Variants in TREX2 observed in about 807,000 individuals in gnomAD.
The protein encoded by TREX2 is 3'-5' exonuclease TREX2 long form.
For synonymous variants in TREX2, 121 were observed against 112.1 expected (o/e 1.08, Z -0.50); for missense variants, 242 against 235.3 (o/e 1.03, Z -0.19).
In TREX2 at chrX:153,444,908, G is replaced by C. The variant is rs2089139362; in HGVS notation, c.523C>G (p.Leu175Val). 1 of 1,201,960 alleles carries C rather than the reference G, an allele frequency of 8.3e-7. No homozygotes were observed. The highest frequency in any genetic ancestry group is 1.1e-6 in the Non-Finnish European group (1 of 891,159). ...TCTGCCCGGAAGTAGCGGTGGAAGA[G>C]GCTGCCGAGGCTGTAACCCTGGCGG... Reference protein sequence around the residue: ...RGRQGYSLGSLFHRYFRAEPS... With the variant: ...RGRQGYSLGSVFHRYFRAEPS... The change falls in exon 2 of 2, where the codon CTC (leucine) becomes GTC (valine). Residue 175 changes from leucine (L) to valine (V), a missense_variant. Physicochemically the swap from Leu to Val is conservative, Grantham distance 32. Transcript: ENST00000370231.
Position 153,445,425 on chromosome X carries a change from G to C in TREX2, c.6C>G (p.Ser2=). 2 of 1,126,753 alleles carry C rather than the reference G, an allele frequency of 1.8e-6. No homozygotes were observed. The highest frequency in any genetic ancestry group is 2.3e-6 in the Non-Finnish European group (2 of 853,070). 92.9% of individuals were successfully genotyped at this position (1,126,753 alleles called of 1,213,427 possible). A position where few individuals can be genotyped will look rare whatever the true frequency, so the allele number is the denominator to read the frequency against. The change falls in exon 2 of 2, where the codon TCC becomes TCG. Residue 2 remains serine, a synonymous_variant. Transcript: ENST00000370231. The part of the protein sequence containing the change: M[S]EAPRAETFVF... ...CAAAGGTCTCGGCCCGGGGTGCCTC[G>C]GACATGGTGATGTTCCCACGGGGAT...
rs79436981 is a variant in TREX2 at position 153,445,044 on chromosome X, G to A, written c.387C>T (p.Ala129=). 4.8e-5 allele frequency: 56 copies of A among 1,161,919 alleles called. No individual in the cohort carries two copies. In the African/African-American group the frequency reaches 6.7e-4, roughly 14 times the overall value. The stretch of plus-strand genomic sequence containing the variant: ...GGCGGGCACCCAGGCGCCGCAGCTC[G>A]GCACACAGCAGGGGGAAATCATAAT... ...GFDYDFPLLC[A]ELRRLGARLP... The change falls in exon 2 of 2, where the codon GCC becomes GCT. Residue 129 remains alanine (A), a synonymous_variant. Transcript: ENST00000370231.
In TREX2 at chrX:153,444,861, G is replaced by C. The variant is rs148182892; in HGVS notation, c.570C>G (p.Ala190=). The change falls in exon 2 of 2, where the codon GCC becomes GCG. Residue 190 remains alanine (A), a synonymous_variant. Coordinates refer to ENST00000370231, the MANE Select transcript of TREX2 (RefSeq NM_080701.4). ...FRAEPSAAHS[A]EGDVHTLLLI... Reference sequence around the variant, plus strand: ...GGAGCAGGGTGTGCACGTCGCCCTCGGCTGAGTGGGCTGCGCTTGGCTCTG... The same window carrying C: ...GGAGCAGGGTGTGCACGTCGCCCTCCGCTGAGTGGGCTGCGCTTGGCTCTG... 2.4e-5 allele frequency: 29 copies of C among 1,202,762 alleles called. No homozygotes were observed. Among genetic ancestry groups the C allele is most frequent in the Non-Finnish European group, 3.0e-5 (27 of 892,030 alleles).
Position 153,445,494 on chromosome X carries a change from G to A in TREX2, c.-64C>T, listed in dbSNP as rs782593667. ...CCGAGCGAGAGGCACAAACCCTGAG[G>A]ACTGGAGAGAGGGGTTCGCCCGGGC... is the stretch of plus-strand genomic sequence containing the variant. On this transcript the variant is annotated splice_region_variant and 5_prime_UTR_variant, in exon 2 of 2. Coordinates refer to ENST00000370231, the MANE Select transcript of TREX2 (RefSeq NM_080701.4). 962 of 1,034,192 alleles carry A rather than the reference G, an allele frequency of 9.3e-4. No homozygotes were observed. The highest frequency in any genetic ancestry group is 1.2e-3 in the Non-Finnish European group (933 of 773,135). The allele number at this position is 1,034,192 out of a possible 1,213,427, so 85.2% of individuals were successfully genotyped here.
In TREX2 at chrX:153,445,098, G is replaced by A. The variant is rs782228222; in HGVS notation, c.333C>T (p.Pro111=). ...AGCCATTGTGGGCCACAAGGCAGAT[G>A]GGCCCTGCCTGGCGGCTCAGGAAGG... ...LQAFLSRQAG[P]ICLVAHNGFD... is the part of the protein sequence containing the mutation. The change falls in exon 2 of 2, where the codon CCC becomes CCT. Residue 111 remains proline (P), a synonymous_variant. Transcript: ENST00000370231. 18 of 1,189,480 alleles carry A rather than the reference G, an allele frequency of 1.5e-5. No individual in the cohort carries two copies. The highest frequency in any genetic ancestry group is 1.8e-5 in the Non-Finnish European group (16 of 884,380).
In TREX2 at chrX:153,444,879, T is replaced by G. The variant is rs2089138264; in HGVS notation, c.552A>C (p.Pro184=). ...SLFHRYFRAE[P]SAAHSAEGDV... is the part of the protein sequence containing the mutation. Reference sequence around the variant, plus strand: ...CGCCCTCGGCTGAGTGGGCTGCGCTTGGCTCTGCCCGGAAGTAGCGGTGGA... The same window carrying G: ...CGCCCTCGGCTGAGTGGGCTGCGCTGGGCTCTGCCCGGAAGTAGCGGTGGA... The change falls in exon 2 of 2, where the codon CCA becomes CCC. Residue 184 remains proline (P), a synonymous_variant. Transcript: ENST00000370231. 8.3e-7 allele frequency: 1 copy of G among 1,204,360 alleles called. No individual in the cohort carries two copies. The highest frequency in any genetic ancestry group is 1.7e-5 in the African/African-American group (1 of 57,520).
rs782502238 is a variant in TREX2, at chrX:153,445,059, G to A, written c.372C>T (p.Phe124=). The A allele has an allele frequency of 2.6e-5, 30 of 1,169,152 alleles. No individual in the cohort carries two copies. The South Asian group carries it at 3.1e-4, about 12-fold the overall frequency. Reference sequence around the variant, plus strand: ...GCCGCAGCTCGGCACACAGCAGGGGGAAATCATAATCAAAGCCATTGTGGG... The same window carrying A: ...GCCGCAGCTCGGCACACAGCAGGGGAAAATCATAATCAAAGCCATTGTGGG... ...LVAHNGFDYD[F]PLLCAELRRL... is the part of the protein sequence containing the mutation. Residue 124 remains phenylalanine, a synonymous_variant, in exon 2 of 2, where the codon TTC becomes TTT. Coordinates refer to ENST00000370231, the MANE Select transcript of TREX2 (RefSeq NM_080701.4).
intron 1 of TREX2, 74 bp downstream of exon 1, chrX:153,445,935 C>T (rs2089157265): frequency 5.8e-6 from 1 of 171,771 alleles, no homozygotes; most frequent in Non-Finnish European, 1.1e-5. Context: ...GTGCTGGTCC[C>T]GAGCTGGCCT....
In TREX2 at chrX:153,445,722, A is replaced by C. The variant is rs2089154720; in HGVS notation, c.-65-227T>G. On this transcript the variant is annotated intron_variant, in intron 1 of 1. Coordinates refer to ENST00000370231, the MANE Select transcript of TREX2 (RefSeq NM_080701.4). ...GTCCCCAGCAGGGATTGGGAGAGGC[A>C]GAGGCAGCTCAGGGACCGCACCTTG... 12 of 483,858 alleles carry C rather than the reference A, an allele frequency of 2.5e-5. 1 individual carries two copies. The South Asian group carries it at 3.4e-4, about 14-fold the overall frequency. 39.9% of individuals were successfully genotyped at this position (483,858 alleles called of 1,213,427 possible).
chrX:153,445,421 C>A lies in TREX2; in HGVS notation c.10G>T (p.Ala4Ser). 8.9e-7 allele frequency: 1 copy of A among 1,129,559 alleles called. No individual in the cohort carries two copies. Among genetic ancestry groups the A allele is most frequent in the Non-Finnish European group, 1.2e-6 (1 of 854,608 alleles). 93.1% of individuals were successfully genotyped at this position (1,129,559 alleles called of 1,213,427 possible). A position where few individuals can be genotyped will look rare whatever the true frequency, so the allele number is the denominator to read the frequency against. ...AAGACAAAGGTCTCGGCCCGGGGTG[C>A]CTCGGACATGGTGATGTTCCCACGG... is the stretch of plus-strand genomic sequence containing the variant. The part of the protein sequence containing the change: MSE[A>S]PRAETFVFLD... Residue 4 changes from alanine (A) to serine (S), a missense_variant, in exon 2 of 2, where the codon GCA becomes TCA. Physicochemically the swap from Ala to Ser is moderately conservative, Grantham distance 99 (BLOSUM62 1). Coordinates refer to ENST00000370231, the MANE Select transcript of TREX2 (RefSeq NM_080701.4).
rs2089151893 is a variant in TREX2 at position 153,445,463 on chromosome X, A to G, written c.-33T>C. 4 of 1,097,152 alleles carry G rather than the reference A, an allele frequency of 3.6e-6. No individual in the cohort carries two copies. Among genetic ancestry groups the G allele is most frequent in the South Asian group, 2.3e-5 (1 of 44,385 alleles). 90.4% of individuals were successfully genotyped at this position (1,097,152 alleles called of 1,213,427 possible). A position where few individuals can be genotyped will look rare whatever the true frequency, so the allele number is the denominator to read the frequency against. On this transcript the variant is annotated 5_prime_UTR_variant, in exon 2 of 2. Transcript: ENST00000370231. ...TTCCCACGGGGATAGCAAGTCCTCA[A>G]ACTGTCCGAGCGAGAGGCACAAACC...
chrX:153,445,368 G>C lies in TREX2; in HGVS notation c.63C>G (p.Pro21=). 1 of 1,185,654 alleles carries C rather than the reference G, an allele frequency of 8.4e-7. No individual in the cohort carries two copies. Among genetic ancestry groups the C allele is most frequent in the Non-Finnish European group, 1.1e-6 (1 of 882,202 alleles). ...VFLDLEATGL[P]SVEPEIAELS... ...GCTCGGCAATCTCGGGCTCCACACTGGGGAGCCCAGTGGCTTCCAGGTCCA... is the reference window on the plus strand; with the variant it reads ...GCTCGGCAATCTCGGGCTCCACACTCGGGAGCCCAGTGGCTTCCAGGTCCA... Residue 21 remains proline, a synonymous_variant, in exon 2 of 2, where the codon CCC becomes CCG. Coordinates refer to ENST00000370231, the MANE Select transcript of TREX2 (RefSeq NM_080701.4).
At position 153,445,181 on chromosome X, in the gene TREX2, CCT is replaced by C. The variant is rs2089145903; in HGVS notation, c.248_249del (p.Glu83GlyfsTer11). On this transcript the variant is annotated frameshift_variant, in exon 2 of 2. Transcript: ENST00000370231. LOFTEE classifies it low-confidence loss of function (END_TRUNC). The part of the protein sequence containing the change: ...KASEITGLSS[E>X]GLARCRKAGF... ...CCAGCCTTCCGGCATCGCGCCAGGC[CCT>C]CACTGCTCAGGCCGGTGATCTCGCT... 4 of 1,210,057 alleles carry C rather than the reference CCT, an allele frequency of 3.3e-6. No homozygotes were observed. The African/African-American group carries it at 6.9e-5, about 21-fold the overall frequency.
Position 153,445,108 on chromosome X carries a change from T to C in TREX2, c.323A>G (p.Gln108Arg). The part of the protein sequence containing the change: ...VRTLQAFLSR[Q>R]AGPICLVAHN... ...GGCCACAAGGCAGATGGGCCCTGCC[T>C]GGCGGCTCAGGAAGGCCTGCAGCGT... Residue 108 changes from glutamine to arginine, a missense_variant, in exon 2 of 2, where the codon CAG (glutamine) becomes CGG (arginine). Physicochemically the swap from Gln to Arg is conservative, Grantham distance 43 (BLOSUM62 1). Coordinates refer to ENST00000370231, the MANE Select transcript of TREX2 (RefSeq NM_080701.4). The C allele has an allele frequency of 8.4e-7, 1 of 1,193,689 alleles. No individual in the cohort carries two copies. The highest frequency in any genetic ancestry group is 1.1e-6 in the Non-Finnish European group (1 of 886,610).
intron 1 of TREX2, 77 bp from the exon 2 acceptor site, chrX:153,445,572 A>G (rs966874038): frequency 2.8e-5 from 17 of 608,471 alleles, no homozygotes; most frequent in Non-Finnish European, 4.5e-5. Flanking sequence ...TCTGGGGCTC[A>G]CTTCCTGCCA....
intron 1 of TREX2, 114 bp from the exon 2 acceptor site, chrX:153,445,609 T>C (rs1366264017): frequency 1.9e-6 from 1 of 536,415 alleles, no homozygotes; most frequent in African/African-American, 2.3e-5. Context: ...CTGTGACCTT[T>C]GGCTCTGGGA....
Position 153,445,366 on chromosome X carries a change from C to T in TREX2, c.65G>A (p.Ser22Asn), listed in dbSNP as rs782464386. The T allele has an allele frequency of 9.3e-6, 11 of 1,184,755 alleles. No individual in the cohort carries two copies. The Admixed American group carries it at 1.7e-4, about 18-fold the overall frequency. Residue 22 changes from serine (S) to asparagine (N), a missense_variant, in exon 2 of 2, where the codon AGT becomes AAT. Transcript: ENST00000370231. ...FLDLEATGLP[S>N]VEPEIAELSL... The stretch of plus-strand genomic sequence containing the variant: ...CAGCTCGGCAATCTCGGGCTCCACA[C>T]TGGGGAGCCCAGTGGCTTCCAGGTC...
chrX:153,444,816 G>C lies in TREX2; in HGVS notation c.615C>G (p.Ala205=). Residue 205 remains alanine (A), a synonymous_variant, in exon 2 of 2, where the codon GCC becomes GCG. Coordinates refer to ENST00000370231, the MANE Select transcript of TREX2 (RefSeq NM_080701.4). ...HTLLLIFLHR[A]AELLAWADEQ... is the part of the protein sequence containing the mutation. ...CATCGGCCCAGGCGAGCAGCTCTGC[G>C]GCGCGGTGCAGGAAGATCAGGAGCA... 2 of 1,199,287 alleles carry C rather than the reference G, an allele frequency of 1.7e-6. No individual in the cohort carries two copies. The highest frequency in any genetic ancestry group is 3.5e-5 in the African/African-American group (2 of 57,939).
Position 153,444,882 on chromosome X carries a change from C to A in TREX2, c.549G>T (p.Glu183Asp). 1.7e-6 allele frequency: 2 copies of A among 1,205,256 alleles called. No homozygotes were observed. The highest frequency in any genetic ancestry group is 2.2e-6 in the Non-Finnish European group (2 of 892,897). The change falls in exon 2 of 2, where the codon GAG becomes GAT. Residue 183 changes from glutamate (E) to aspartate (D), a missense_variant. Physicochemically the swap from Glu to Asp is conservative, Grantham distance 45. Coordinates refer to ENST00000370231, the MANE Select transcript of TREX2 (RefSeq NM_080701.4). ...CCTCGGCTGAGTGGGCTGCGCTTGGCTCTGCCCGGAAGTAGCGGTGGAAGA... is the reference window on the plus strand; with the variant it reads ...CCTCGGCTGAGTGGGCTGCGCTTGGATCTGCCCGGAAGTAGCGGTGGAAGA... ...GSLFHRYFRAEPSAAHSAEGD... is the reference protein window; with the variant it reads ...GSLFHRYFRADPSAAHSAEGD...
Sources: allele counts gnomAD v4.1 joint callset, GRCh38; gene constraint gnomAD v4.1.1; transcripts MANE v1.5; gene names NCBI Gene and HGNC (gene_info 2026-07-23, HGNC 2026-07-21).